Variants in CAST observed in about 807,000 individuals in gnomAD.
The protein encoded by CAST is MIR583 host.
A neutral mutation model predicts 119.6 loss-of-function variants in CAST; 76 were observed. The ratio of observed to expected loss-of-function variants is 0.64; its 90% confidence interval spans 0.53 to 0.77. CAST has a LOEUF of 0.77. Ranked by LOEUF, CAST falls within the 30% of genes least tolerant of loss-of-function variation. CAST has a pLI of 0.00. For missense variants in CAST, 953 were observed against 946.5 expected (o/e 1.01, Z -0.09); for synonymous variants, 319 against 331.6 (o/e 0.96, Z 0.41).
the CAST span, among the ~76,000 whole-genome samples, chr5:96,504,165 G>A: frequency 6.6e-6 from 1 of 152,180 alleles, no homozygotes; most frequent in Admixed American, 6.5e-5. Context: ...AGGCCAGCTG[G>A]AGGGAGGAGA....
At chr5:96,349,139 A>ATT in the CAST span, among the ~76,000 whole-genome samples, 4,150 of 89,636 alleles carry the variant, frequency 0.046, 556 homozygotes, top group African/African-American at 0.088. Context: ...CAAGGACACT[A>ATT]TTTTTTTTTT....
the CAST span, among the ~76,000 whole-genome samples, chr5:96,384,092 C>A: frequency 6.6e-6 from 1 of 152,228 alleles, no homozygotes; most frequent in South Asian, 2.1e-4. Context: ...GCATTTTATA[C>A]AGGCACAATG....
intron 1 of CAST, among the ~76,000 whole-genome samples, chr5:96,594,745 A>G (rs1015689858): frequency 1.3e-5 from 2 of 152,160 alleles, no homozygotes; most frequent in Non-Finnish European, 2.9e-5. Flanking sequence ...ACCGGCTATG[A>G]TATTATAGTA....
chr5:96,410,238 G>A, the CAST span, among the ~76,000 whole-genome samples: 13 of 152,162 alleles, frequency 8.5e-5, no homozygotes, highest in East Asian at 2.3e-3. Context: ...CTGAGCATAC[G>A]ACCTCCCCGA....
chr5:96,494,138 A>T, the CAST span, among the ~76,000 whole-genome samples: 3 of 152,208 alleles, frequency 2.0e-5, no homozygotes, highest in Non-Finnish European at 2.9e-5. Context: ...AACAAAAGCA[A>T]TTCCAAGCAA....
chr5:96,255,614 G>T, the CAST span, among the ~76,000 whole-genome samples: 1 of 151,992 alleles, frequency 6.6e-6, no homozygotes, highest in Non-Finnish European at 1.5e-5. Flanking sequence ...CATTTTTAAT[G>T]GATGATGACC....
chr5:96,002,584 C>T, the CAST span, among the ~76,000 whole-genome samples: 2 of 152,096 alleles, frequency 1.3e-5, no homozygotes, highest in Non-Finnish European at 2.9e-5. Flanking sequence ...TTATGAACAG[C>T]AGAAGGTATA....
chr5:96,117,415 T>C, the CAST span, among the ~76,000 whole-genome samples: 4 of 152,200 alleles, frequency 2.6e-5, no homozygotes, highest in African/African-American at 9.6e-5. Context: ...TAGAAACTAG[T>C]ATAAAATAGT....
At chr5:96,103,681 A>G in the CAST span, among the ~76,000 whole-genome samples, 34 of 137,494 alleles carry the variant, frequency 2.5e-4, no homozygotes, top group Admixed American at 5.9e-4. Flanking sequence ...GTGTCTTTAT[A>G]GCAGCATGAT....
the CAST span, among the ~76,000 whole-genome samples, chr5:96,211,948 T>C: frequency 6.6e-6 from 1 of 152,120 alleles, no homozygotes; most frequent in East Asian, 1.9e-4. Flanking sequence ...ATATTATCTT[T>C]TTAATATCTG....
At chr5:96,474,852 T>C in the CAST span, among the ~76,000 whole-genome samples, 41 of 152,304 alleles carry the variant, frequency 2.7e-4, no homozygotes, top group African/African-American at 9.1e-4. Flanking sequence ...TGCCTTTGAA[T>C]AATGAGATGG....
the CAST span, among the ~76,000 whole-genome samples, chr5:96,472,980 G>A: frequency 6.6e-6 from 1 of 152,146 alleles, no homozygotes; most frequent in Non-Finnish European, 1.5e-5. Flanking sequence ...GCTTGTGGAA[G>A]CATAACTCCA....
chr5:96,517,675 C>T, the CAST span, among the ~76,000 whole-genome samples: 2 of 152,152 alleles, frequency 1.3e-5, no homozygotes, highest in African/African-American at 4.8e-5. Context: ...CATCGATGAG[C>T]AGGAAAACAC....
the CAST span, among the ~76,000 whole-genome samples, chr5:96,358,092 T>C: frequency 6.6e-6 from 1 of 152,332 alleles, no homozygotes; most frequent in East Asian, 1.9e-4. Context: ...TATCCATTTC[T>C]TCTAGATTTT....
At chr5:96,158,462 A>G in the CAST span, among the ~76,000 whole-genome samples, 1 of 152,318 alleles carries the variant, frequency 6.6e-6, no homozygotes, top group African/African-American at 2.4e-5. Flanking sequence ...TTTCAGAACC[A>G]GAGTTTTTTA....
At chr5:96,573,890 C>A (rs1241392154) in intron 1 of CAST, among the ~76,000 whole-genome samples, 1 of 152,176 alleles carries the variant, frequency 6.6e-6, no homozygotes, top group Non-Finnish European at 1.5e-5. Flanking sequence ...TTGTTTCTGG[C>A]CTGTTTTGAT....
At chr5:96,712,429 C>T (rs1756361591) in intron 3 of CAST, among the ~76,000 whole-genome samples, 1 of 152,086 alleles carries the variant, frequency 6.6e-6, no homozygotes, top group African/African-American at 2.4e-5. Flanking sequence ...TGTCCAGGCT[C>T]AAGTGGTCTT....
the CAST span, among the ~76,000 whole-genome samples, chr5:96,207,874 C>A: frequency 6.6e-6 from 1 of 151,954 alleles, no homozygotes; most frequent in Admixed American, 6.6e-5. Context: ...AGAAATGGTA[C>A]CAGCTCTTCT....
the CAST span, chr5:96,408,410 C>A: frequency 2.2e-6 from 2 of 896,514 alleles, no homozygotes; most frequent in Non-Finnish European, 3.6e-6. Flanking sequence ...CCAAAGGCTG[C>A]ATCTGCTATG....
Sources: allele counts gnomAD v4.1 joint callset (sites outside exome capture counted in the v4.1 genomes callset), GRCh38; gene constraint gnomAD v4.1.1; transcripts MANE v1.5; gene names NCBI Gene and HGNC (gene_info 2026-07-23, HGNC 2026-07-21).